L3HYPDH: variants seen among roughly 807,000 people sequenced by gnomAD.
The protein encoded by L3HYPDH is trans-3-hydroxy-L-proline dehydratase.
A neutral mutation model predicts 26.5 loss-of-function variants in L3HYPDH; 32 were observed. The ratio of observed to expected loss-of-function variants is 1.21; its 90% confidence interval spans 0.91 to 1.62. L3HYPDH has a LOEUF of 1.62. L3HYPDH is among the 40% of genes most tolerant of loss of function. The pLI, the probability that L3HYPDH is intolerant of heterozygous loss-of-function variation, is 0.00. For missense variants in L3HYPDH, 554 were observed against 476.4 expected, an observed-to-expected ratio of 1.16 and a Z score of -1.52; for synonymous variants, 215 against 196.6, an observed-to-expected ratio of 1.09 and a Z score of -0.78.
At chr14:59,504,080 C>T in the L3HYPDH span, 1 of 1,579,824 alleles carries the variant, frequency 6.3e-7, no homozygotes, top group South Asian at 1.1e-5. Context: ...TGAGTGTAGA[C>T]ATGTGAAATG....
the L3HYPDH span, among the ~76,000 whole-genome samples, chr14:59,499,694 TGTAATTTGGTAATATAGTTTGGGAA>T: frequency 2.1e-5 from 3 of 140,478 alleles, no homozygotes; most frequent in Non-Finnish European, 5.0e-5. Context: ...AGCTTGGTAA[TGTAATTTGGTAATATAGTTTGGGAA>T]TGTAATTTGG....
chr14:59,484,816 C>T, upstream of L3HYPDH: 1 of 936,206 alleles, frequency 1.1e-6, no homozygotes, highest in Non-Finnish European at 1.6e-6. Flanking sequence ...GGCGAAATGC[C>T]AGGTCTTTGT....
At chr14:59,482,544 G>C (rs538755397) in intron 1 of L3HYPDH, among the ~76,000 whole-genome samples, 1 of 152,258 alleles carries the variant, frequency 6.6e-6, no homozygotes, top group South Asian at 2.1e-4. Flanking sequence ...TGGTAGCCAC[G>C]CTAGTTAAAC....
At chr14:59,466,398 A>G (rs1889180558) in intron 1 of L3HYPDH, among the ~76,000 whole-genome samples, 1 of 152,212 alleles carries the variant, frequency 6.6e-6, no homozygotes, top group Admixed American at 6.5e-5. Context: ...CAGGTTAACT[A>G]ACCCTGGGCT....
At chr14:59,493,045 G>A in the L3HYPDH span, among the ~76,000 whole-genome samples, 4 of 151,926 alleles carry the variant, frequency 2.6e-5, no homozygotes, top group East Asian at 1.9e-4. Context: ...TGATCCACCC[G>A]CCCCGGCCTC....
the L3HYPDH span, among the ~76,000 whole-genome samples, chr14:59,490,433 G>A: frequency 1.3e-5 from 2 of 152,172 alleles, no homozygotes; most frequent in East Asian, 1.9e-4. Flanking sequence ...TGAGTGAATC[G>A]TTTATTGGTG....
chr14:59,501,324 A>T, the L3HYPDH span: 8 of 1,067,342 alleles, frequency 7.5e-6, no homozygotes, highest in African/African-American at 1.6e-5. Context: ...ACAATTCAAT[A>T]TCAGAATAGT....
the L3HYPDH span, among the ~76,000 whole-genome samples, chr14:59,490,480 T>C: frequency 6.6e-6 from 1 of 152,230 alleles, no homozygotes; most frequent in Admixed American, 6.5e-5. Context: ...ATTTGATGTA[T>C]ATTTTAGGAA....
At chr14:59,474,866 C>T (rs1889519580) in intron 4 of L3HYPDH, 1 of 188,878 alleles carries the variant, frequency 5.3e-6, no homozygotes, top group South Asian at 1.8e-4. Flanking sequence ...CAGTATGTTC[C>T]AAATTTTTGC....
chr14:59,467,763 G>A (rs986477978), downstream of L3HYPDH, among the ~76,000 whole-genome samples: 10 of 151,992 alleles, frequency 6.6e-5, no homozygotes, highest in African/African-American at 1.2e-4. Context: ...CTACTTCCCC[G>A]GTAAAACTTG....
In L3HYPDH at chr14:59,474,472, G is replaced by A. The variant is rs1324470867; in HGVS notation, c.940-1382C>T. 9 of 695,986 alleles carry A rather than the reference G, an allele frequency of 1.3e-5. No individual in the cohort carries two copies. The Admixed American group carries it at 1.6e-4, about 13-fold the overall frequency. The allele number at this position is 695,986 out of a possible 1,614,324, so 43.1% of individuals were successfully genotyped here. A position where few individuals can be genotyped will look rare whatever the true frequency, so the allele number is the denominator to read the frequency against. ...GTCTGAGTCATTCTTTGGTCTCTCG[G>A]CTCCCTCTCTATTTGGGGGGACATT... On this transcript the variant is annotated intron_variant, in intron 4 of 4. Coordinates refer to ENST00000247194, the MANE Select transcript of L3HYPDH (RefSeq NM_144581.2).
At chr14:59,494,511 T>G in the L3HYPDH span, among the ~76,000 whole-genome samples, 4 of 152,200 alleles carry the variant, frequency 2.6e-5, no homozygotes, top group Non-Finnish European at 5.9e-5. Flanking sequence ...AGAATAGTTG[T>G]GAAGCAGAAA....
chr14:59,475,675 G>A (rs1889579351), intron 4 of L3HYPDH, among the ~76,000 whole-genome samples, 194 bp downstream of exon 4: 1 of 152,208 alleles, frequency 6.6e-6, no homozygotes, highest in South Asian at 2.1e-4. Flanking sequence ...CCCATGGAAA[G>A]GACCTTAGGG....
upstream of L3HYPDH, among the ~76,000 whole-genome samples, chr14:59,486,180 A>T (rs1236032639): frequency 6.6e-6 from 1 of 152,210 alleles, no homozygotes; most frequent in African/African-American, 2.4e-5. Flanking sequence ...AAAAGCTAGG[A>T]CAATGTAGGA....
At chr14:59,498,802 G>T in the L3HYPDH span, 1 of 1,610,352 alleles carries the variant, frequency 6.2e-7, no homozygotes. Flanking sequence ...TGGTGAAGAA[G>T]ATTGCATGTG....
the L3HYPDH span, chr14:59,504,989 G>A: frequency 3.6e-6 from 1 of 278,272 alleles, no homozygotes; most frequent in Non-Finnish European, 6.7e-6. Flanking sequence ...ATGCTTTGAA[G>A]GCCTTAAGAC....
chr14:59,467,122 C>T (rs1037104045), intron 1 of L3HYPDH, among the ~76,000 whole-genome samples: 2 of 152,072 alleles, frequency 1.3e-5, no homozygotes, highest in Non-Finnish European at 2.9e-5. Context: ...CAGTATATTA[C>T]AGTGTGCTAA....
chr14:59,475,631 G>A (rs1382996519), intron 4 of L3HYPDH, among the ~76,000 whole-genome samples: 1 of 151,998 alleles, frequency 6.6e-6, no homozygotes, highest in Admixed American at 6.6e-5. Context: ...AGCAAATAAT[G>A]TCATTATTAT....
chr14:59,501,216 A>C, the L3HYPDH span: 1 of 1,602,286 alleles, frequency 6.2e-7, no homozygotes, highest in African/African-American at 1.3e-5. Context: ...ACATTATATT[A>C]GTGTTATCTT....
Sources: gnomAD v4.1 joint callset for allele counts (sites outside exome capture counted in the v4.1 genomes callset) on GRCh38, gnomAD v4.1.1 for gene constraint, MANE v1.5 for transcripts, NCBI Gene and HGNC (gene_info 2026-07-23, HGNC 2026-07-21) for gene names.